Variants in TAFA2 observed in about 807,000 individuals in gnomAD.
TAFA2 encodes chemokine-like protein TAFA-2.
A neutral mutation model predicts 18.8 loss-of-function variants in TAFA2; 7 were observed. The ratio of observed to expected loss-of-function variants is 0.37; its 90% CI spans 0.21 to 0.70. TAFA2 has a LOEUF of 0.70. Among genes scored for constraint, TAFA2 ranks in the 30% least tolerant of loss-of-function variants. The pLI is 0.53. For missense variants in TAFA2, 122 were observed against 158.1 expected (o/e 0.77, Z 1.23); for synonymous variants, 60 against 54.2 (o/e 1.11, Z -0.47).
Position 61,961,865 on chromosome 12 carries a change from T to G in TAFA2, c.-1-94439A>C, listed in dbSNP as rs562161972. Among the ~76,000 whole-genome samples the G allele has an allele frequency of 2.4e-3, 366 of 152,146 alleles. 4 individuals carry two copies. The highest frequency in any genetic ancestry group is 8.4e-3 in the African/African-American group (349 of 41,554). On this transcript the variant is annotated intron_variant, in intron 1 of 4. Coordinates refer to ENST00000416284, the MANE Select transcript of TAFA2 (RefSeq NM_178539.5). ...AGATTTCCGAAATTCATTTGGTCCT[T>G]TCCTGTTGCCTACTTAAAATAGGCA...
At chr12:62,028,634 A>G (rs1268431067) in intron 1 of TAFA2, among the ~76,000 whole-genome samples, 1 of 152,188 alleles carries the variant, frequency 6.6e-6, no homozygotes, top group East Asian at 1.9e-4. Context: ...ACAAACTCAA[A>G]TAACTATCCT....
At chr12:62,100,557 T>C (rs2136848519) in intron 1 of TAFA2, among the ~76,000 whole-genome samples, 1 of 152,348 alleles carries the variant, frequency 6.6e-6, no homozygotes, top group Middle Eastern at 3.4e-3. Flanking sequence ...ACCCACCTGT[T>C]AGATCACTTG....
chr12:61,983,217 C>T (rs747872702), intron 1 of TAFA2, among the ~76,000 whole-genome samples: 1 of 152,130 alleles, frequency 6.6e-6, no homozygotes, highest in Non-Finnish European at 1.5e-5. Context: ...CATAAATCCA[C>T]TCTCTCATTT....
At chr12:61,834,803 C>A (rs1872853189) in intron 2 of TAFA2, among the ~76,000 whole-genome samples, 1 of 151,884 alleles carries the variant, frequency 6.6e-6, no homozygotes, top group Non-Finnish European at 1.5e-5. Flanking sequence ...TAAATGACAA[C>A]CATTTATCTT....
chr12:61,736,939 T>C (rs937673957), intron 4 of TAFA2, among the ~76,000 whole-genome samples: 8 of 152,006 alleles, frequency 5.3e-5, no homozygotes, highest in African/African-American at 1.7e-4. Flanking sequence ...TGAAGAGGTA[T>C]ATATAGATAT....
intron 1 of TAFA2, among the ~76,000 whole-genome samples, chr12:62,019,215 A>G (rs1881038425): frequency 6.6e-6 from 1 of 152,112 alleles, no homozygotes; most frequent in Admixed American, 6.5e-5. Flanking sequence ...GAACACTTTT[A>G]CACTGTTGGT....
intron 1 of TAFA2, among the ~76,000 whole-genome samples, chr12:61,910,202 GAACT>G (rs1389133923): frequency 6.6e-6 from 1 of 151,726 alleles, no homozygotes; most frequent in Non-Finnish European, 1.5e-5. Context: ...ACACAGGCAT[GAACT>G]AACAAGACAA....
intron 4 of TAFA2, among the ~76,000 whole-genome samples, chr12:61,738,556 A>G (rs1403663375): frequency 3.3e-5 from 5 of 152,016 alleles, no homozygotes; most frequent in Admixed American, 3.3e-4. Flanking sequence ...TGAAAACCCA[A>G]TGTCTGATGG....
intron 1 of TAFA2, among the ~76,000 whole-genome samples, chr12:61,936,477 A>T (rs1401536333): frequency 6.6e-6 from 1 of 152,136 alleles, no homozygotes; most frequent in Non-Finnish European, 1.5e-5. Context: ...CTGAGGCAGG[A>T]GAATCACTTG....
chr12:62,171,649 G>A lies in TAFA2; in HGVS notation c.-2+19610C>T, dbSNP rs184247364. Among the ~76,000 whole-genome samples, 134 of 152,266 alleles carry A rather than the reference G, an allele frequency of 8.8e-4. 2 individuals are homozygous for A. In the East Asian group the frequency reaches 0.015, roughly 17 times the overall value. On this transcript the variant is annotated intron_variant, in intron 1 of 4. Coordinates refer to ENST00000416284, the MANE Select transcript of TAFA2 (RefSeq NM_178539.5). The stretch of plus-strand genomic sequence containing the variant: ...CAAGGGGTGCCTTCTACAAGGAACC[G>A]TCCCTCACCAGACACCAGATCTGTC...
intron 1 of TAFA2, among the ~76,000 whole-genome samples, chr12:61,980,536 A>G (rs961506661): frequency 6.6e-6 from 1 of 152,220 alleles, no homozygotes; most frequent in Non-Finnish European, 1.5e-5. Flanking sequence ...TGCAGATGAC[A>G]TGATTGTATA....
At chr12:62,169,931 C>T (rs2062465821) in intron 1 of TAFA2, among the ~76,000 whole-genome samples, 1 of 151,468 alleles carries the variant, frequency 6.6e-6, no homozygotes, top group African/African-American at 2.4e-5. Flanking sequence ...TTTGTTCTAC[C>T]CAAAACTGAT....
intron 1 of TAFA2, chr12:62,235,055 G>A: frequency 1.6e-6 from 1 of 626,786 alleles, no homozygotes; most frequent in Admixed American, 1.8e-5. Context: ...GAATTCCAGT[G>A]GAAGCTGAGA....
intron 2 of TAFA2, among the ~76,000 whole-genome samples, chr12:61,807,835 T>C (rs1202022269): frequency 6.6e-6 from 1 of 151,484 alleles, no homozygotes; most frequent in Non-Finnish European, 1.5e-5. Context: ...TTTTGGCCAA[T>C]TTCTCACATT....
At chr12:61,739,876 T>C (rs1368062116) in intron 4 of TAFA2, among the ~76,000 whole-genome samples, 1 of 152,094 alleles carries the variant, frequency 6.6e-6, no homozygotes, top group Non-Finnish European at 1.5e-5. Context: ...TGTCGGCCAA[T>C]GTGTCTGAGA....
intron 1 of TAFA2, among the ~76,000 whole-genome samples, chr12:62,143,893 A>G (rs1441495873): frequency 6.6e-6 from 1 of 151,658 alleles, no homozygotes; most frequent in East Asian, 1.9e-4. Context: ...AAATACAAAA[A>G]AAAAATTAGC....
intron 1 of TAFA2, among the ~76,000 whole-genome samples, chr12:62,106,221 C>G (rs1869444607): frequency 6.6e-6 from 1 of 151,724 alleles, no homozygotes; most frequent in African/African-American, 2.4e-5. Flanking sequence ...GTAATCCCAG[C>G]TACTCAAGAG....
chr12:62,225,221 A>G (rs550204568), intron 1 of TAFA2, among the ~76,000 whole-genome samples: 1 of 152,370 alleles, frequency 6.6e-6, no homozygotes, highest in South Asian at 2.1e-4. Context: ...GAATGTCCAG[A>G]AATTGATCAA....
chr12:61,938,935 T>TA (rs997956695), intron 1 of TAFA2, among the ~76,000 whole-genome samples: 12 of 147,630 alleles, frequency 8.1e-5, no homozygotes, highest in Non-Finnish European at 4.5e-5. Flanking sequence ...GGTGAGGGAT[T>TA]AAAAAAAAAA....
Sources: gnomAD v4.1 joint callset for allele counts (sites outside exome capture counted in the v4.1 genomes callset) on GRCh38, gnomAD v4.1.1 for gene constraint, MANE v1.5 for transcripts, NCBI Gene and HGNC (gene_info 2026-07-23, HGNC 2026-07-21) for gene names.